FBN1: variants seen among roughly 807,000 people sequenced by gnomAD.
FBN1 encodes fibrillin 1, also known as fibrillin-1.
A neutral mutation model predicts 365.1 loss-of-function variants in FBN1; 29 were observed. The observed-to-expected ratio is 0.08, with a 90% CI of 0.06 to 0.11. The LOEUF is 0.11. Among genes scored for constraint, FBN1 ranks in the 10% least tolerant of loss-of-function variants. FBN1 has a pLI of 1.00. For synonymous variants in FBN1, 1,210 were observed against 1,270.5 expected (o/e 0.95, Z 1.01); for missense variants, 2,476 against 3,703.2 (o/e 0.67, Z 8.60).
rs537416735 is a variant in FBN1 at position 48,548,418 on chromosome 15, C to T, written c.539-10610G>A. Among the ~76,000 whole-genome samples, 10 of 152,298 alleles carry T rather than the reference C, an allele frequency of 6.6e-5. No homozygotes were observed. In the East Asian group the frequency reaches 1.7e-3, roughly 26 times the overall value. On this transcript the variant is annotated intron_variant, in intron 6 of 65. Coordinates refer to ENST00000316623, the MANE Select transcript of FBN1 (RefSeq NM_000138.5). ...TGAAGAGTTAAATCTTAATACTATCCCATGGGCAGATAGGCCACTCTAGTT... is the reference window on the plus strand; with the variant it reads ...TGAAGAGTTAAATCTTAATACTATCTCATGGGCAGATAGGCCACTCTAGTT...
At chr15:48,534,824 G>C (rs2044001714) in intron 7 of FBN1, among the ~76,000 whole-genome samples, 1 of 152,196 alleles carries the variant, frequency 6.6e-6, no homozygotes, top group Non-Finnish European at 1.5e-5. Context: ...GAGATTGTTA[G>C]GTGAGTGAGT....
At chr15:48,459,743 C>A (rs1489216064) in intron 43 of FBN1, among the ~76,000 whole-genome samples, 1 of 152,242 alleles carries the variant, frequency 6.6e-6, no homozygotes, top group Non-Finnish European at 1.5e-5. Flanking sequence ...ATTTACCAGG[C>A]AGGGCCTCAG....
At chr15:48,517,360 G>A (rs1220558700) in intron 10 of FBN1, among the ~76,000 whole-genome samples, 1 of 152,158 alleles carries the variant, frequency 6.6e-6, no homozygotes, top group Admixed American at 6.5e-5. Flanking sequence ...ACAGAACCCT[G>A]AAGAATACTG....
In FBN1 at chr15:48,441,491, G is replaced by T. The variant is rs183925647; in HGVS notation, c.6163+230C>A. 3.3e-5 allele frequency among the ~76,000 whole-genome samples: 5 copies of T among 152,186 alleles called. No homozygotes were observed. The East Asian group carries it at 9.6e-4, about 29-fold the overall frequency. On this transcript the variant is annotated intron_variant, in intron 50 of 65. Transcript: ENST00000316623. ...GCATTTGTGTTCTTAGTGGGAGAGA[G>T]GTTTATGTGTCAGTACAATTGTATA...
Position 48,470,759 on chromosome 15 carries a change from T to G in FBN1, c.4337-3A>C, listed in dbSNP as rs770551687. 3.7e-6 allele frequency: 6 copies of G among 1,613,810 alleles called. No individual in the cohort carries two copies. In the Admixed American group the frequency reaches 1.0e-4, roughly 27 times the overall value. ...CGGAAGGGAGCACTCATCAATATCT[T>G]GGGGGGAGGGAGAAAAAAGCAAAAA... On this transcript the variant is annotated splice_region_variant and splice_polypyrimidine_tract_variant and intron_variant, in intron 35 of 65. Coordinates refer to ENST00000316623, the MANE Select transcript of FBN1 (RefSeq NM_000138.5).
chr15:48,517,841 G>A (rs1362347798), intron 10 of FBN1, among the ~76,000 whole-genome samples: 2 of 152,106 alleles, frequency 1.3e-5, no homozygotes, highest in East Asian at 3.9e-4. Context: ...ATAGAAATTA[G>A]ACTAATATTT....
Position 48,456,859 on chromosome 15 carries a change from T to TGTGC in FBN1, c.5297-98_5297-97insGCAC, listed in dbSNP as rs1804373005. The TGTGC allele has an allele frequency of 3.6e-6, 4 of 1,118,042 alleles. No individual in the cohort carries two copies. The Admixed American group carries it at 6.9e-5, about 19-fold the overall frequency. 69.3% of individuals were successfully genotyped at this position (1,118,042 alleles called of 1,614,324 possible). ...AAGTGCGTGCGTGTGTGTGTGTGTG[T>TGTGC]GTGTGTGTGTGTGCGTGCATGTGTT... On this transcript the variant is annotated intron_variant, in intron 43 of 65. Transcript: ENST00000316623.
At chr15:48,600,648 T>C (rs1480736106) in intron 4 of FBN1, among the ~76,000 whole-genome samples, 1 of 151,988 alleles carries the variant, frequency 6.6e-6, no homozygotes, top group African/African-American at 2.4e-5. Context: ...GAGGTTGTAG[T>C]GAGCGGAGAT....
intron 27 of FBN1, among the ~76,000 whole-genome samples, chr15:48,487,806 G>C (rs1281775412): frequency 6.6e-6 from 1 of 152,142 alleles, no homozygotes; most frequent in Non-Finnish European, 1.5e-5. Flanking sequence ...AGAAGTGTTG[G>C]ACAGACATCT....
At chr15:48,539,712 C>T (rs1376753915) in intron 6 of FBN1, among the ~76,000 whole-genome samples, 1 of 152,042 alleles carries the variant, frequency 6.6e-6, no homozygotes, top group East Asian at 1.9e-4. Context: ...AGCCTAAGAC[C>T]TCTGTGTCCC....
At chr15:48,530,438 A>T (rs1435386313) in intron 8 of FBN1, among the ~76,000 whole-genome samples, 1 of 152,236 alleles carries the variant, frequency 6.6e-6, no homozygotes, top group East Asian at 1.9e-4. Flanking sequence ...AGCTGAAGTA[A>T]CTCAGAGATG....
chr15:48,532,815 T>C (rs1349929415), intron 8 of FBN1, among the ~76,000 whole-genome samples: 2 of 152,222 alleles, frequency 1.3e-5, no homozygotes, highest in Non-Finnish European at 2.9e-5. Flanking sequence ...GTCAACTTTA[T>C]TGTTCTTTGA....
intron 2 of FBN1, among the ~76,000 whole-genome samples, chr15:48,634,669 A>C (rs1471454478): frequency 6.6e-6 from 1 of 152,020 alleles, no homozygotes; most frequent in Non-Finnish European, 1.5e-5. Context: ...ACTTTTCTTA[A>C]GGTTTTAACT....
At chr15:48,622,711 A>G (rs1889792695) in intron 2 of FBN1, among the ~76,000 whole-genome samples, 1 of 152,092 alleles carries the variant, frequency 6.6e-6, no homozygotes, top group African/African-American at 2.4e-5. Flanking sequence ...TCTACCAGGT[A>G]GGCCTAATCT....
At position 48,487,014 on chromosome 15, in the gene FBN1, A is replaced by G. The variant is rs562582165; in HGVS notation, c.3589+61T>C. On this transcript the variant is annotated intron_variant, in intron 29 of 65. Transcript: ENST00000316623. ...ATAAAATAAAATAAAATAACATAACATAACATAACATAAAATAAAGTAAAA... is the reference window on the plus strand; with the variant it reads ...ATAAAATAAAATAAAATAACATAACGTAACATAACATAAAATAAAGTAAAA... 4 of 1,221,296 alleles carry G rather than the reference A, an allele frequency of 3.3e-6. No individual in the cohort carries two copies. The African/African-American group carries it at 6.4e-5, about 19-fold the overall frequency. 75.7% of individuals were successfully genotyped at this position (1,221,296 alleles called of 1,614,324 possible).
rs534417939 is a variant in FBN1, at chr15:48,427,561, A to C, written c.7204+6T>G. 44 of 1,611,698 alleles carry C rather than the reference A, an allele frequency of 2.7e-5. No homozygotes were observed. The East Asian group carries it at 7.8e-4, about 29-fold the overall frequency. On this transcript the variant is annotated splice_donor_region_variant and intron_variant, in intron 58 of 65. Transcript: ENST00000316623. ...TGCAAGTATTTTTGGACTATAAATG[A>C]AGTACCTGCTCCATTGGTCATGAAT...
At chr15:48,555,899 G>A (rs1029109497) in intron 6 of FBN1, among the ~76,000 whole-genome samples, 17 of 152,060 alleles carry the variant, frequency 1.1e-4, no homozygotes, top group African/African-American at 4.1e-4. Flanking sequence ...ATAATAAATA[G>A]GCTTTTGCCT....
chr15:48,469,100 TAATATATATTAC>T (rs1566904935), intron 36 of FBN1, among the ~76,000 whole-genome samples: 195 of 101,280 alleles, frequency 1.9e-3, no homozygotes, highest in African/African-American at 7.9e-3. Flanking sequence ...ATATAAAATA[TAATATATATTAC>T]ATATATATAT....
chr15:48,500,144 G>A (rs1051290671), intron 17 of FBN1, among the ~76,000 whole-genome samples: 9 of 152,220 alleles, frequency 5.9e-5, no homozygotes, highest in South Asian at 2.1e-4. Context: ...AAAGCCAGGT[G>A]TGGGAACAAA....
Sources: allele counts gnomAD v4.1 joint callset (sites outside exome capture counted in the v4.1 genomes callset), GRCh38; gene constraint gnomAD v4.1.1; transcripts MANE v1.5; gene names NCBI Gene and HGNC (gene_info 2026-07-23, HGNC 2026-07-21).